The following CUEDC1 variants were observed in gnomAD, a reference collection of about 807,000 sequenced individuals.
CUEDC1 encodes CUE domain containing 1, also known as CUE domain-containing protein 1.
In CUEDC1, 30 loss-of-function variants were observed where a neutral mutation model predicts 43.7. The observed-to-expected ratio is 0.69, with a 90% CI of 0.51 to 0.93. The LOEUF (loss-of-function observed/expected upper bound fraction) is 0.93. CUEDC1 is among the 40% of genes least tolerant of loss of function. The pLI, the probability that CUEDC1 is intolerant of heterozygous loss-of-function variation, is 0.00. For missense variants in CUEDC1, 486 were observed against 549.0 expected, an observed-to-expected ratio of 0.89 and a Z score of 1.15; for synonymous variants, 223 against 223.6, an observed-to-expected ratio of 1.00 and a Z score of 0.02.
In CUEDC1 at chr17:57,868,263, T is replaced by C; in HGVS notation, c.941-20A>G. On this transcript the variant is annotated intron_variant, in intron 7 of 10. Coordinates refer to ENST00000577830, the MANE Select transcript of CUEDC1 (RefSeq NM_001271875.2). The stretch of plus-strand genomic sequence containing the variant: ...GGGTGGCTGGGGGCAGAGAGACCTG[T>C]GAGTCATTCTCTCAGCAGCCAGCAC... 1.2e-6 allele frequency: 2 copies of C among 1,607,058 alleles called. No individual in the cohort carries two copies. The highest frequency in any genetic ancestry group is 1.7e-4 in the Middle Eastern group (1 of 6,054).
At chr17:57,883,795 G>A (rs1322525546) in intron 2 of CUEDC1, among the ~76,000 whole-genome samples, 1 of 152,134 alleles carries the variant, frequency 6.6e-6, no homozygotes, top group African/African-American at 2.4e-5. Context: ...CCTGGCACGG[G>A]TCGGGACTCA....
chr17:57,889,820 T>C (rs993287316), intron 1 of CUEDC1, among the ~76,000 whole-genome samples: 2 of 152,268 alleles, frequency 1.3e-5, no homozygotes, highest in African/African-American at 4.8e-5. Flanking sequence ...AGGTGGACTA[T>C]AGAGGCCCCC....
intron 1 of CUEDC1, among the ~76,000 whole-genome samples, chr17:57,911,766 C>T (rs1409983331): frequency 6.6e-6 from 1 of 152,174 alleles, no homozygotes; most frequent in African/African-American, 2.4e-5. Context: ...TTCTGCCTCC[C>T]AAACTGCTGG....
intron 1 of CUEDC1, among the ~76,000 whole-genome samples, chr17:57,915,933 A>G (rs2074635300): frequency 6.6e-6 from 1 of 152,238 alleles, no homozygotes. Flanking sequence ...TTTGAATCAA[A>G]CACAGAATTT....
intron 1 of CUEDC1, among the ~76,000 whole-genome samples, chr17:57,899,683 C>T (rs2074451123): frequency 6.6e-6 from 1 of 152,208 alleles, no homozygotes; most frequent in Non-Finnish European, 1.5e-5. Flanking sequence ...GTGCCACATG[C>T]TCCTCCCAGG....
intron 1 of CUEDC1, among the ~76,000 whole-genome samples, chr17:57,886,533 C>G (rs1479091620): frequency 1.3e-5 from 2 of 152,198 alleles, no homozygotes; most frequent in Non-Finnish European, 1.5e-5. Flanking sequence ...TGCAGAGCCT[C>G]GGGCTAATAG....
At chr17:57,902,485 A>G (rs2074483512) in intron 1 of CUEDC1, among the ~76,000 whole-genome samples, 1 of 152,246 alleles carries the variant, frequency 6.6e-6, no homozygotes. Context: ...ATTGAGATTC[A>G]TGCTACCTTT....
chr17:57,922,638 C>T (rs2074709000), intron 1 of CUEDC1: 1 of 152,176 alleles, frequency 6.6e-6, no homozygotes, highest in Non-Finnish European at 1.5e-5. Context: ...TGACTGGATT[C>T]ACCTCTCTGA....
At chr17:57,947,673 T>C (rs1228817711) in intron 1 of CUEDC1, among the ~76,000 whole-genome samples, 2 of 152,062 alleles carry the variant, frequency 1.3e-5, no homozygotes, top group East Asian at 1.9e-4. Context: ...TGATGGCGTA[T>C]GTCTGTAATC....
intron 2 of CUEDC1, among the ~76,000 whole-genome samples, chr17:57,882,074 C>T (rs1418450208): frequency 6.6e-6 from 1 of 152,204 alleles, no homozygotes; most frequent in Non-Finnish European, 1.5e-5. Flanking sequence ...GTGATGGATG[C>T]CTGCCAGGTG....
chr17:57,915,791 A>G (rs1196003742), intron 1 of CUEDC1, among the ~76,000 whole-genome samples: 4 of 152,190 alleles, frequency 2.6e-5, no homozygotes, highest in Non-Finnish European at 5.9e-5. Context: ...ATAGGTTGTT[A>G]AGAGCCTGGG....
chr17:57,892,765 AAGGG>A (rs1430717007), intron 1 of CUEDC1: 1 of 150,516 alleles, frequency 6.6e-6, no homozygotes, highest in Non-Finnish European at 1.5e-5. Context: ...GCCTGATTAA[AAGGG>A]AGAAGAACCA....
intron 1 of CUEDC1, among the ~76,000 whole-genome samples, chr17:57,947,062 C>A (rs1441579936): frequency 1.3e-5 from 2 of 150,692 alleles, no homozygotes; most frequent in South Asian, 4.2e-4. Context: ...AAAGTGAAAT[C>A]ATTTCAGGAG....
intron 1 of CUEDC1, among the ~76,000 whole-genome samples, chr17:57,886,162 T>C (rs1044604636): frequency 5.9e-5 from 9 of 152,220 alleles, no homozygotes; most frequent in Non-Finnish European, 1.2e-4. Context: ...AGGTATGTGC[T>C]AGTATGCCCA....
intron 1 of CUEDC1, among the ~76,000 whole-genome samples, chr17:57,922,759 C>T (rs1436209496): frequency 6.6e-6 from 1 of 152,196 alleles, no homozygotes; most frequent in Non-Finnish European, 1.5e-5. Flanking sequence ...GCTCAATAAA[C>T]AGCAACTATT....
rs1220737551 is a variant in CUEDC1, at chr17:57,955,201, G to A, written c.-316+24C>T. ...GGACCGCGCCCGGGGCCGGGCGGGA[G>A]CCGCGGGAGCGCGGGGGTCTTACCG... On this transcript the variant is annotated intron_variant, in intron 1 of 10. Coordinates refer to ENST00000577830, the MANE Select transcript of CUEDC1 (RefSeq NM_001271875.2). This position sits in a 1 kb window ranked among gnomAD's most constrained non-coding sequence, Gnocchi z 5.3. The A allele has an allele frequency of 6.9e-6, 1 of 145,252 alleles. No individual in the cohort carries two copies. The highest frequency in any genetic ancestry group is 1.5e-5 in the Non-Finnish European group (1 of 65,248). The allele number at this position is 145,252 out of a possible 1,614,324, so 9.0% of individuals were successfully genotyped here.
At chr17:57,932,236 C>A (rs746821709) in intron 1 of CUEDC1, among the ~76,000 whole-genome samples, 1 of 147,820 alleles carries the variant, frequency 6.8e-6, no homozygotes, top group East Asian at 1.9e-4. Flanking sequence ...GAGCCGAGAT[C>A]GCGCGACAGC....
intron 1 of CUEDC1, among the ~76,000 whole-genome samples, chr17:57,914,078 C>T (rs1424156258): frequency 6.6e-6 from 1 of 152,230 alleles, no homozygotes; most frequent in Non-Finnish European, 1.5e-5. Context: ...TGGTGCCCAC[C>T]TGGAAGGCGG....
chr17:57,921,969 C>G (rs1422212570), intron 1 of CUEDC1, among the ~76,000 whole-genome samples: 1 of 152,084 alleles, frequency 6.6e-6, no homozygotes, highest in Admixed American at 6.6e-5. Context: ...AAAAATTAGC[C>G]AGGCATGGTG....
Sources: gnomAD v4.1 joint callset for allele counts (sites outside exome capture counted in the v4.1 genomes callset) on GRCh38, gnomAD v4.1.1 for gene constraint, Gnocchi (gnomAD v3.1) non-coding constraint, MANE v1.5 for transcripts, NCBI Gene and HGNC (gene_info 2026-07-23, HGNC 2026-07-21) for gene names.